RBM6: variants seen among roughly 807,000 people sequenced by gnomAD.
RBM6 encodes the protein RNA binding motif protein 6, also known as RNA-binding protein 6.
RBM6 carries 23 observed loss-of-function variants against 140.4 expected under a neutral mutation model. The ratio of observed to expected loss-of-function variants is 0.16; its 90% CI spans 0.12 to 0.23. RBM6 has a LOEUF of 0.23. Among genes scored for constraint, RBM6 ranks in the 10% least tolerant of loss-of-function variants. RBM6 has a pLI of 1.00. For synonymous variants in RBM6, 439 were observed against 475.6 expected (o/e 0.92, Z 1.00); for missense variants, 1,139 against 1,386.7 (o/e 0.82, Z 2.84).
chr3:49,967,219 G>T lies in RBM6; in HGVS notation c.45-251G>T. On this transcript the variant is annotated intron_variant, in intron 2 of 20. Transcript: ENST00000266022. This position sits in a 1 kb window ranked among gnomAD's most constrained non-coding sequence, Gnocchi z 4.0. ...GCAGGACTGGGTGAAAGCTTTTTCTGCAGCAGTCATGTTGAAAACCTTGTG... is the reference window on the plus strand; with the variant it reads ...GCAGGACTGGGTGAAAGCTTTTTCTTCAGCAGTCATGTTGAAAACCTTGTG... 3.2e-6 allele frequency: 4 copies of T among 1,249,454 alleles called. No individual in the cohort carries two copies. The highest frequency in any genetic ancestry group is 3.0e-6 in the Non-Finnish European group (3 of 995,054). 77.4% of individuals were successfully genotyped at this position (1,249,454 alleles called of 1,614,324 possible).
intron 3 of RBM6, among the ~76,000 whole-genome samples, chr3:49,970,929 A>G (rs1575581705): frequency 2.0e-5 from 3 of 152,094 alleles, no homozygotes; most frequent in African/African-American, 7.2e-5. Context: ...CAGGATTTCA[A>G]GACCAGCCTG....
intron 1 of RBM6, among the ~76,000 whole-genome samples, chr3:49,944,962 C>T (rs1048923896): frequency 3.4e-5 from 5 of 147,512 alleles, no homozygotes; most frequent in Admixed American, 2.7e-4. Context: ...CTCCAAGCTC[C>T]GCCTCCTGGG....
chr3:49,971,057 G>A (rs1457510525), intron 3 of RBM6, among the ~76,000 whole-genome samples: 2 of 151,914 alleles, frequency 1.3e-5, no homozygotes, highest in African/African-American at 4.8e-5. Flanking sequence ...ATTTGAGGTC[G>A]TGGGTTTGAG....
intron 6 of RBM6, among the ~76,000 whole-genome samples, chr3:50,024,736 G>A (rs1309353867): frequency 1.3e-5 from 2 of 151,868 alleles, no homozygotes; most frequent in East Asian, 1.9e-4. Context: ...TGCAGATTAC[G>A]AGGTCAGGAG....
At chr3:49,942,998 G>A (rs1575499405) in intron 1 of RBM6, among the ~76,000 whole-genome samples, 1 of 152,332 alleles carries the variant, frequency 6.6e-6, no homozygotes, top group African/African-American at 2.4e-5. Context: ...GAATCATACA[G>A]TATTGTCCTT....
intron 4 of RBM6, among the ~76,000 whole-genome samples, chr3:49,972,587 C>T (rs1195948112): frequency 6.6e-6 from 1 of 152,156 alleles, no homozygotes; most frequent in Non-Finnish European, 1.5e-5. Flanking sequence ...TGGCAGTGCT[C>T]GCTCTGTGCC....
chr3:50,070,826 C>T (rs941627780), intron 19 of RBM6, among the ~76,000 whole-genome samples: 1 of 152,224 alleles, frequency 6.6e-6, no homozygotes, highest in African/African-American at 2.4e-5. Flanking sequence ...AGTAATACTG[C>T]ACCCTCTTTA....
intron 1 of RBM6, among the ~76,000 whole-genome samples, chr3:49,947,581 A>G (rs2083551441): frequency 6.6e-6 from 1 of 152,058 alleles, no homozygotes; most frequent in Non-Finnish European, 1.5e-5. Flanking sequence ...CTTTTGATGC[A>G]CAGAGGTTTT....
Position 50,068,759 on chromosome 3 carries a change from C to T in RBM6, c.3013C>T (p.Arg1005Ter), listed in dbSNP as rs758252047. 1 of 1,613,790 alleles carries T rather than the reference C, an allele frequency of 6.2e-7. No homozygotes were observed. Among genetic ancestry groups the T allele is most frequent in the Non-Finnish European group, 8.5e-7 (1 of 1,179,774 alleles). Residue 1005 changes from arginine (R) to a stop codon, truncating the protein, a stop_gained, in exon 18 of 21, where the codon CGA becomes TGA. Coordinates refer to ENST00000266022, the MANE Select transcript of RBM6 (RefSeq NM_005777.3). LOFTEE classifies it high-confidence loss of function. ...QELAYLERRE[R>*]EGKFKGRGND... ...GCTAGCCTATCTGGAAAGGAGAGAA[C>T]GAGAGGTAAACTTTGGTGACCTATT...
chr3:50,054,439 C>G (rs1400777129), intron 8 of RBM6, 44 bp downstream of exon 8: 1 of 1,472,098 alleles, frequency 6.8e-7, no homozygotes, highest in South Asian at 1.1e-5. Context: ...GTGCATTGAG[C>G]AAAACAAATT....
intron 1 of RBM6, among the ~76,000 whole-genome samples, chr3:49,961,632 C>A (rs919647745): frequency 6.6e-6 from 1 of 151,392 alleles, no homozygotes; most frequent in Non-Finnish European, 1.5e-5. Flanking sequence ...AACCCCATCT[C>A]TACTAAAAAT....
At chr3:49,987,489 T>G (rs1194100720) in intron 5 of RBM6, among the ~76,000 whole-genome samples, 2 of 151,924 alleles carry the variant, frequency 1.3e-5, no homozygotes, top group East Asian at 3.9e-4. Context: ...CTAAATTTTT[T>G]GTAATTTTAG....
At chr3:50,023,655 A>ATTTTTTTT (rs35083306) in intron 6 of RBM6, among the ~76,000 whole-genome samples, 1 of 115,094 alleles carries the variant, frequency 8.7e-6, no homozygotes. Context: ...ATGTTTGGTG[A>ATTTTTTTT]TTTTTTTTTT....
intron 5 of RBM6, 91 bp from the exon 6 acceptor site, chr3:49,999,349 T>A: frequency 8.9e-7 from 1 of 1,128,112 alleles, no homozygotes. Context: ...GGCTTGTGTT[T>A]AAGGGGTTCA....
At chr3:50,063,355 C>G (rs1454553639) in intron 15 of RBM6, among the ~76,000 whole-genome samples, 1 of 151,952 alleles carries the variant, frequency 6.6e-6, no homozygotes, top group African/African-American at 2.4e-5. Context: ...ACCTGTAATC[C>G]CAGCACGTTG....
intron 14 of RBM6, 190 bp from the exon 15 acceptor site, chr3:50,061,772 A>G (rs1484579748): frequency 3.8e-6 from 5 of 1,300,310 alleles, no homozygotes; most frequent in Non-Finnish European, 5.1e-6. Flanking sequence ...TGCTCTTGAA[A>G]AAGTGGACAG....
At chr3:50,027,015 C>T (rs569805628) in intron 6 of RBM6, among the ~76,000 whole-genome samples, 1 of 151,916 alleles carries the variant, frequency 6.6e-6, no homozygotes, top group Non-Finnish European at 1.5e-5. Flanking sequence ...TTTTGGCCAT[C>T]TTCCTGTTGA....
chr3:49,954,747 C>A (rs1282416742), intron 1 of RBM6, among the ~76,000 whole-genome samples: 1 of 151,246 alleles, frequency 6.6e-6, no homozygotes, highest in Non-Finnish European at 1.5e-5. Context: ...TATCAGGTTA[C>A]AAATATTTTG....
chr3:50,036,627 T>A (rs1193207162), intron 6 of RBM6, among the ~76,000 whole-genome samples: 1 of 152,224 alleles, frequency 6.6e-6, no homozygotes, highest in Non-Finnish European at 1.5e-5. Context: ...AACCATAGCA[T>A]GTCTTCAATG....
Sources: allele counts gnomAD v4.1 joint callset (sites outside exome capture counted in the v4.1 genomes callset), GRCh38; gene constraint gnomAD v4.1.1; non-coding constraint Gnocchi (gnomAD v3.1); transcripts MANE v1.5; gene names NCBI Gene and HGNC (gene_info 2026-07-23, HGNC 2026-07-21).